PTPRB: variants seen among roughly 807,000 people sequenced by gnomAD.
PTPRB encodes the protein receptor-type tyrosine-protein phosphatase beta.
Under a neutral mutation model 238.1 loss-of-function variants are expected in PTPRB, and 97 were observed. The ratio of observed to expected loss-of-function variants is 0.41; its 90% confidence interval spans 0.35 to 0.48. The LOEUF (loss-of-function observed/expected upper bound fraction) is 0.48. PTPRB is among the 20% of genes least tolerant of loss of function. The pLI is 0.30. For missense variants in PTPRB, 2,292 were observed against 2,681.9 expected (o/e 0.85, Z 3.21); for synonymous variants, 970 against 995.4 (o/e 0.97, Z 0.48).
intron 3 of PTPRB, among the ~76,000 whole-genome samples, chr12:70,615,863 A>C (rs1287470715): frequency 6.6e-6 from 1 of 152,214 alleles, no homozygotes; most frequent in Non-Finnish European, 1.5e-5. Flanking sequence ...AATCAAAAAC[A>C]GTCACCCACA....
chr12:70,591,367 T>G (rs2136461697), intron 7 of PTPRB, among the ~76,000 whole-genome samples: 1 of 152,296 alleles, frequency 6.6e-6, no homozygotes, highest in East Asian at 1.9e-4. Context: ...TGGTTTAAAT[T>G]CTAGCTCTAC....
In PTPRB at chr12:70,592,527, T is replaced by C; in HGVS notation, c.1535A>G (p.Asn512Ser). 6.2e-7 allele frequency: 1 copy of C among 1,613,730 alleles called. No homozygotes were observed. The highest frequency in any genetic ancestry group is 8.5e-7 in the Non-Finnish European group (1 of 1,179,794). ...ACTGCCATCATTTGTCACCTTCAGA[T>C]TTGAGACTTCCATGGGGGCTAATCA... ...LVRTAPMEVS[N>S]LKVTNDGSLT... The change falls in exon 7 of 34, where the codon AAT (asparagine) becomes AGT (serine). Residue 512 changes from asparagine to serine, a missense_variant. Transcript: ENST00000334414.
chr12:70,581,668 T>G (rs1463643840), intron 9 of PTPRB, among the ~76,000 whole-genome samples: 2 of 152,142 alleles, frequency 1.3e-5, no homozygotes, highest in African/African-American at 4.8e-5. Flanking sequence ...AGCTATCTAA[T>G]CTACCTGAGC....
intron 16 of PTPRB, among the ~76,000 whole-genome samples, chr12:70,561,437 A>T (rs1565945071): frequency 6.6e-6 from 1 of 152,154 alleles, no homozygotes; most frequent in Non-Finnish European, 1.5e-5. Flanking sequence ...CACTCCTATC[A>T]CTGTATAGAT....
chr12:70,589,141 AG>A (rs1208335356), intron 8 of PTPRB, among the ~76,000 whole-genome samples: 1 of 152,126 alleles, frequency 6.6e-6, no homozygotes, highest in Non-Finnish European at 1.5e-5. Flanking sequence ...TAAGCTCTGT[AG>A]GTCTTTGATC....
At chr12:70,549,311 C>G (rs577581316) in intron 21 of PTPRB, among the ~76,000 whole-genome samples, 1 of 152,078 alleles carries the variant, frequency 6.6e-6, no homozygotes, top group African/African-American at 2.4e-5. Flanking sequence ...TTGAAGAAAA[C>G]GAGGTCAGGA....
At chr12:70,557,511 C>A (rs919682106) in intron 18 of PTPRB, among the ~76,000 whole-genome samples, 1 of 152,172 alleles carries the variant, frequency 6.6e-6, no homozygotes, top group Non-Finnish European at 1.5e-5. Context: ...TTGGTAAATG[C>A]CTCCCTTAAA....
intron 3 of PTPRB, among the ~76,000 whole-genome samples, chr12:70,615,323 A>T (rs1158780835): frequency 6.6e-6 from 1 of 152,132 alleles, no homozygotes; most frequent in Non-Finnish European, 1.5e-5. Flanking sequence ...GACATTTAAC[A>T]GCTGCTCAGT....
intron 7 of PTPRB, 89 bp downstream of exon 7, chr12:70,592,193 G>C (rs757300831): frequency 1.3e-6 from 2 of 1,563,238 alleles, no homozygotes; most frequent in South Asian, 1.2e-5. Flanking sequence ...TGGGAAAGGA[G>C]TTTTCCTGCT....
In PTPRB at chr12:70,576,659, AGGTGGGG is replaced by A; in HGVS notation, c.2579-21_2579-15del. ...CACTGGAAGGGACTGTGATTTTGAA[AGGTGGGG>A]GGCGGGGGGGGGGGGGAAGGGGGAT... On this transcript the variant is annotated splice_polypyrimidine_tract_variant and intron_variant, in intron 10 of 33. Coordinates refer to ENST00000334414, the MANE Select transcript of PTPRB (RefSeq NM_001109754.4). 2.8e-5 allele frequency: 1 copy of A among 36,260 alleles called. No homozygotes were observed. The highest frequency in any genetic ancestry group is 3.5e-5 in the Non-Finnish European group (1 of 28,866). 2.2% of individuals were successfully genotyped at this position (36,260 alleles called of 1,614,324 possible).
intron 29 of PTPRB, 96 bp downstream of exon 29, chr12:70,535,929 T>C (rs1874057082): frequency 1.4e-6 from 2 of 1,473,126 alleles, no homozygotes; most frequent in East Asian, 2.3e-5. Flanking sequence ...ACATGATCCC[T>C]ACGTTGTTTT....
rs1353964139 is a variant in PTPRB at position 70,635,688 on chromosome 12, C to A, written c.434G>T (p.Ser145Ile). 2 of 1,613,636 alleles carry A rather than the reference C, an allele frequency of 1.2e-6. No individual in the cohort carries two copies. The highest frequency in any genetic ancestry group is 3.3e-5 in the Admixed American group (2 of 59,966). The change falls in exon 2 of 34, where the codon AGC becomes ATC. Residue 145 changes from serine (S) to isoleucine (I), a missense_variant. Ser to Ile is a moderately radical substitution (Grantham distance 142). Transcript: ENST00000334414. ...VNKEGKLVNE[S>I]LCLQKAGLGA... The stretch of plus-strand genomic sequence containing the variant: ...TAGCTCACCTTTTTGTAAACAGAGG[C>A]TTTCATTGACCAGTTTTCCCTCCTT...
intron 4 of PTPRB, among the ~76,000 whole-genome samples, chr12:70,608,486 A>C (rs1224518323): frequency 1.3e-5 from 2 of 152,140 alleles, no homozygotes; most frequent in African/African-American, 2.4e-5. Flanking sequence ...TAAGGAAAAT[A>C]ATTGCTGTAA....
intron 18 of PTPRB, among the ~76,000 whole-genome samples, chr12:70,557,308 A>T (rs932295439): frequency 1.3e-4 from 19 of 146,246 alleles, no homozygotes; most frequent in African/African-American, 4.3e-4. Context: ...ATAAACTTCT[A>T]TTCTATTTAA....
intron 3 of PTPRB, among the ~76,000 whole-genome samples, chr12:70,613,376 C>T (rs995939680): frequency 6.6e-6 from 1 of 152,062 alleles, no homozygotes; most frequent in Non-Finnish European, 1.5e-5. Flanking sequence ...TATTGTGTGC[C>T]AGGCTCTGGT....
intron 20 of PTPRB, among the ~76,000 whole-genome samples, chr12:70,553,666 T>C (rs1877235477): frequency 6.6e-6 from 1 of 152,186 alleles, no homozygotes; most frequent in Non-Finnish European, 1.5e-5. Flanking sequence ...GAGAAAAGCG[T>C]AAGTAGAAAG....
At position 70,622,479 on chromosome 12, in the gene PTPRB, T is replaced by C; in HGVS notation, c.619A>G (p.Arg207Gly). Residue 207 changes from arginine (R) to glycine (G), a missense_variant, in exon 3 of 34, where the codon AGG becomes GGG. This residue lies in a region of PTPRB where 1,205 missense variants were observed against 1,287.8 expected (regional missense o/e 0.94). Transcript: ENST00000334414. ...AENYSQNSSE[R>G]QHPNLHMTGI... is the part of the protein sequence containing the mutation. ...GTCATGTGCAGATTGGGATGCTGCC[T>C]CTCGCTGCTGTTTTGGCTGTAGTTT... The C allele has an allele frequency of 6.2e-7, 1 of 1,613,490 alleles. No homozygotes were observed.
chr12:70,597,669 T>C (rs1013653941), intron 4 of PTPRB, among the ~76,000 whole-genome samples: 9 of 152,288 alleles, frequency 5.9e-5, no homozygotes, highest in Admixed American at 3.3e-4. Context: ...TATAGAAACT[T>C]CACTACTTCC....
chr12:70,552,465 C>T (rs1877018840), intron 21 of PTPRB, among the ~76,000 whole-genome samples: 1 of 119,440 alleles, frequency 8.4e-6, no homozygotes, highest in Non-Finnish European at 1.7e-5. Flanking sequence ...GTCTGGGCAA[C>T]AGAGTAAGAC....
Sources: allele counts gnomAD v4.1 joint callset (sites outside exome capture counted in the v4.1 genomes callset), GRCh38; gene constraint gnomAD v4.1.1; regional missense constraint gnomAD v4.1.1; transcripts MANE v1.5; gene names NCBI Gene and HGNC (gene_info 2026-07-23, HGNC 2026-07-21).